The following LRRTM3 variants were observed in gnomAD, a reference collection of about 807,000 sequenced individuals.
LRRTM3 encodes leucine-rich repeat transmembrane neuronal protein 3.
LRRTM3 carries 24 observed loss-of-function variants against 44.7 expected under a neutral mutation model. The ratio of observed to expected loss-of-function variants is 0.54; its 90% CI spans 0.39 to 0.76. The LOEUF (loss-of-function observed/expected upper bound fraction) is 0.76, where lower values mean the gene tolerates loss of function less well. LRRTM3 is among the 30% of genes least tolerant of loss of function. The pLI, the probability that LRRTM3 is intolerant of heterozygous loss-of-function variation, is 0.00. For synonymous variants in LRRTM3, 277 were observed against 278.7 expected, an observed-to-expected ratio of 0.99 and a Z score of 0.06; for missense variants, 587 against 702.2, an observed-to-expected ratio of 0.84 and a Z score of 1.85.
chr10:66,997,286 A>G (rs1391340124), intron 2 of LRRTM3, among the ~76,000 whole-genome samples: 4 of 152,210 alleles, frequency 2.6e-5, no homozygotes, highest in Non-Finnish European at 5.9e-5. Context: ...ACAATCTCTT[A>G]TAAAAATGAA....
At chr10:67,091,498 A>C (rs563564732) in intron 2 of LRRTM3, among the ~76,000 whole-genome samples, 1 of 152,152 alleles carries the variant, frequency 6.6e-6, no homozygotes, top group Admixed American at 6.6e-5. Context: ...CCCCCAAAAA[A>C]AGGAAAACAA....
chr10:67,058,289 C>T (rs1181391708), intron 2 of LRRTM3, among the ~76,000 whole-genome samples: 2 of 152,192 alleles, frequency 1.3e-5, no homozygotes, highest in African/African-American at 4.8e-5. Context: ...TAGTCTATCA[C>T]ATCATTCTTA....
intron 2 of LRRTM3, among the ~76,000 whole-genome samples, chr10:66,963,356 C>A (rs150538371): frequency 6.6e-6 from 1 of 152,204 alleles, no homozygotes; most frequent in East Asian, 1.9e-4. Context: ...CAGTTATTTG[C>A]TTGTAGTATG....
At chr10:66,931,486 G>C (rs988608580) in intron 2 of LRRTM3, among the ~76,000 whole-genome samples, 6 of 152,200 alleles carry the variant, frequency 3.9e-5, no homozygotes, top group Middle Eastern at 3.4e-3. Context: ...TTTTTTACTT[G>C]ATTTGGTGAG....
At chr10:67,092,627 T>C (rs1857722617) in intron 2 of LRRTM3, among the ~76,000 whole-genome samples, 1 of 151,990 alleles carries the variant, frequency 6.6e-6, no homozygotes, top group Admixed American at 6.6e-5. Context: ...TAATCACAAC[T>C]TAGAAACTTT....
At chr10:66,933,838 C>T (rs1847542755) in intron 2 of LRRTM3, among the ~76,000 whole-genome samples, 1 of 152,114 alleles carries the variant, frequency 6.6e-6, no homozygotes, top group Non-Finnish European at 1.5e-5. Context: ...GCTGCTCTTA[C>T]CAATATGAAG....
intron 2 of LRRTM3, among the ~76,000 whole-genome samples, chr10:67,068,895 A>G (rs769042433): frequency 1.3e-5 from 2 of 152,088 alleles, no homozygotes; most frequent in Non-Finnish European, 2.9e-5. Flanking sequence ...CCCTGTCTCT[A>G]CTAAAAATAC....
chr10:67,073,609 A>G (rs1281973923), intron 2 of LRRTM3, among the ~76,000 whole-genome samples: 3 of 152,192 alleles, frequency 2.0e-5, no homozygotes, highest in South Asian at 4.1e-4. Context: ...CAGAGATACA[A>G]AATAAAGAGG....
chr10:67,021,870 G>C (rs1853036805), intron 2 of LRRTM3, among the ~76,000 whole-genome samples: 1 of 152,140 alleles, frequency 6.6e-6, no homozygotes, highest in African/African-American at 2.4e-5. Context: ...TGAAGTACTA[G>C]GAGTTTGAAG....
chr10:67,058,604 GC>G (rs1855575836), intron 2 of LRRTM3, among the ~76,000 whole-genome samples: 1 of 152,000 alleles, frequency 6.6e-6, no homozygotes, highest in Admixed American at 6.6e-5. Flanking sequence ...GCCCTGCAAG[GC>G]CCCTTTTTTT....
At chr10:66,937,489 C>A (rs890234494) in intron 2 of LRRTM3, among the ~76,000 whole-genome samples, 4 of 152,114 alleles carry the variant, frequency 2.6e-5, no homozygotes, top group Non-Finnish European at 4.4e-5. Flanking sequence ...TACCACAATG[C>A]GCTTTGAAAG....
At chr10:67,097,546 A>G (rs373432411) in intron 2 of LRRTM3, 41 bp from the exon 3 acceptor site, 1 of 1,566,446 alleles carries the variant, frequency 6.4e-7, no homozygotes, top group African/African-American at 1.4e-5. Context: ...AAAGTTGTCC[A>G]TATTTTTATA....
chr10:67,065,428 G>A (rs1388902957), intron 2 of LRRTM3, among the ~76,000 whole-genome samples: 1 of 152,086 alleles, frequency 6.6e-6, no homozygotes, highest in Non-Finnish European at 1.5e-5. Context: ...TAAATTAGTA[G>A]ATTATTCTAA....
intron 2 of LRRTM3, among the ~76,000 whole-genome samples, chr10:67,031,602 G>A (rs1476142445): frequency 1.3e-5 from 2 of 152,190 alleles, no homozygotes; most frequent in African/African-American, 4.8e-5. Flanking sequence ...TTTTGCAGAA[G>A]TCAGGTTATT....
chr10:66,971,910 TAAA>T, intron 2 of LRRTM3, among the ~76,000 whole-genome samples: 2 of 152,076 alleles, frequency 1.3e-5, no homozygotes, highest in African/African-American at 4.8e-5. Context: ...CTTTTTTTTT[TAAA>T]CATGCTAATG....
chr10:67,034,592 A>G (rs890703269), intron 2 of LRRTM3, among the ~76,000 whole-genome samples: 2 of 152,094 alleles, frequency 1.3e-5, no homozygotes, highest in Non-Finnish European at 2.9e-5. Context: ...CCATCATCCA[A>G]ATTCAGGTCT....
Position 66,965,020 on chromosome 10 carries a change from T to C in LRRTM3, c.1536+36568T>C, listed in dbSNP as rs1414562314. On this transcript the variant is annotated intron_variant, in intron 2 of 2. Coordinates refer to ENST00000361320, the MANE Select transcript of LRRTM3 (RefSeq NM_178011.5). ...CAATAAGATTGCCACGTTCCACTCTTGAATTAAAGCAAACAAGCAAATATT... is the reference window on the plus strand; with the variant it reads ...CAATAAGATTGCCACGTTCCACTCTCGAATTAAAGCAAACAAGCAAATATT... Among the ~76,000 whole-genome samples the C allele has an allele frequency of 2.0e-5, 3 of 152,204 alleles. No homozygotes were observed. In the East Asian group the frequency reaches 5.8e-4, roughly 29 times the overall value.
chr10:67,089,717 ATGTGTGTGTGTGTGTGTGTG>A (rs71006125), intron 2 of LRRTM3, among the ~76,000 whole-genome samples: 1 of 144,648 alleles, frequency 6.9e-6, no homozygotes, highest in Non-Finnish European at 1.5e-5. Flanking sequence ...GTATATACAT[ATGTGTGTGTGTGTGTGTGTG>A]TGTGTGTGTG....
At chr10:67,074,414 G>C (rs1252395745) in intron 2 of LRRTM3, among the ~76,000 whole-genome samples, 1 of 127,536 alleles carries the variant, frequency 7.8e-6, no homozygotes, top group Non-Finnish European at 1.6e-5. Flanking sequence ...GCAGTGGCAC[G>C]ATCTCGGCTC....
Sources: allele counts gnomAD v4.1 joint callset (sites outside exome capture counted in the v4.1 genomes callset), GRCh38; gene constraint gnomAD v4.1.1; transcripts MANE v1.5; gene names NCBI Gene and HGNC (gene_info 2026-07-23, HGNC 2026-07-21).